The following SCN7A variants were observed in gnomAD, a reference collection of about 807,000 sequenced individuals.
SCN7A encodes the protein sodium voltage-gated channel alpha subunit 7.
A neutral mutation model predicts 155.2 loss-of-function variants in SCN7A; 138 were observed. The ratio of observed to expected loss-of-function variants is 0.89; its 90% confidence interval spans 0.77 to 1.02. The LOEUF (loss-of-function observed/expected upper bound fraction) is 1.02. Among genes scored for constraint, SCN7A ranks in the 50% least tolerant of loss-of-function variants. The probability of loss-of-function intolerance (pLI) is 0.00; values close to 1 mark genes in which losing one functional copy is unlikely to be tolerated. For synonymous variants in SCN7A, 693 were observed against 649.0 expected (o/e 1.07, Z -1.03); for missense variants, 2,058 against 1,986.6 (o/e 1.04, Z -0.68).
intron 2 of SCN7A, among the ~76,000 whole-genome samples, chr2:166,483,002 T>C (rs984606489): frequency 3.3e-5 from 5 of 152,100 alleles, no homozygotes; most frequent in African/African-American, 4.8e-5. Flanking sequence ...TAGACTTCTT[T>C]CTGAAAAATT....
At chr2:166,449,546 A>G (rs1205386269) in intron 11 of SCN7A, among the ~76,000 whole-genome samples, 1 of 152,136 alleles carries the variant, frequency 6.6e-6, no homozygotes, top group Admixed American at 6.6e-5. Flanking sequence ...GATAAAGCCA[A>G]TTATACTGCA....
chr2:166,492,642 G>T (rs767617594), intron 1 of SCN7A, among the ~76,000 whole-genome samples: 4 of 152,164 alleles, frequency 2.6e-5, no homozygotes, highest in Non-Finnish European at 4.4e-5. Flanking sequence ...GGCAAGAAAA[G>T]GATTTGAATT....
At chr2:166,461,059 T>TC (rs1235220021) in intron 10 of SCN7A, among the ~76,000 whole-genome samples, 1 of 149,018 alleles carries the variant, frequency 6.7e-6, no homozygotes, top group African/African-American at 2.4e-5. Context: ...TTTTTTTTTT[T>TC]TTTTTTTTTT....
rs1168218281 is a variant in SCN7A, at chr2:166,405,857, C to T, written c.4772G>A (p.Arg1591Lys). Reference sequence around the variant, plus strand: ...TATTTCTGAAACAACTTTCTCCATCCTCACATCTTGACCCATAACTCTCTT... The same window carrying T: ...TATTTCTGAAACAACTTTCTCCATCTTCACATCTTGACCCATAACTCTCTT... ...FTKRVMGQDVRMEKVVSEIES... is the reference protein window; with the variant it reads ...FTKRVMGQDVKMEKVVSEIES... The change falls in exon 26 of 26, where the codon AGG becomes AAG. Residue 1591 changes from arginine to lysine, a missense_variant. Transcript: ENST00000643258. 11 of 1,613,004 alleles carry T rather than the reference C, an allele frequency of 6.8e-6. No homozygotes were observed. The highest frequency in any genetic ancestry group is 9.3e-6 in the Non-Finnish European group (11 of 1,179,388).
At position 166,423,348 on chromosome 2, in the gene SCN7A, T is replaced by C. The variant is rs1701552318; in HGVS notation, c.2938A>G (p.Ile980Val). The C allele has an allele frequency of 2.5e-6, 4 of 1,612,328 alleles. No homozygotes were observed. Among genetic ancestry groups the C allele is most frequent in the Non-Finnish European group, 3.4e-6 (4 of 1,179,082 alleles). Residue 980 changes from isoleucine to valine, a missense_variant, in exon 19 of 26, where the codon ATT becomes GTT. Coordinates refer to ENST00000643258, the MANE Select transcript of SCN7A (RefSeq NM_002976.4). ...ATCCATTTTAGAAGCATTTCCAGAATGAAGATATAAGTAAAGATCATGTCA... is the reference window on the plus strand; with the variant it reads ...ATCCATTTTAGAAGCATTTCCAGAACGAAGATATAAGTAAAGATCATGTCA... ...YADMIFTYIF[I>V]LEMLLKWMAY...
Position 166,423,410 on chromosome 2 carries a change from TC to T in SCN7A, c.2875del (p.Asp959IlefsTer10), listed in dbSNP as rs1336126830. On this transcript the variant is annotated frameshift_variant, in exon 19 of 26. Coordinates refer to ENST00000643258, the MANE Select transcript of SCN7A (RefSeq NM_002976.4). LOFTEE classifies it high-confidence loss of function. Reference sequence around the variant, plus strand: ...TAAAATTTTAATTGTCTTTCTCTGATCCATATATATATCTTCAAAAGCCTGT... The same window carrying T: ...TAAAATTTTAATTGTCTTTCTCTGATCATATATATATCTTCAAAAGCCTGT... ...GTLAFEDIYM[D>X]QRKTIKILLE... 6.3e-7 allele frequency: 1 copy of T among 1,580,976 alleles called. No individual in the cohort carries two copies. The highest frequency in any genetic ancestry group is 8.6e-7 in the Non-Finnish European group (1 of 1,167,174).
intron 20 of SCN7A, among the ~76,000 whole-genome samples, chr2:166,420,732 G>C (rs113053844): frequency 6.6e-6 from 1 of 151,930 alleles, no homozygotes; most frequent in Non-Finnish European, 1.5e-5. Context: ...ATCATCACTT[G>C]TGATTGTGAC....
chr2:166,450,967 C>T (rs537341165), intron 11 of SCN7A, among the ~76,000 whole-genome samples: 6 of 152,032 alleles, frequency 3.9e-5, no homozygotes, highest in African/African-American at 1.2e-4. Flanking sequence ...TATTAAGATC[C>T]GACGGGGATT....
chr2:166,430,042 C>T (rs1454280684), intron 16 of SCN7A, among the ~76,000 whole-genome samples: 1 of 151,872 alleles, frequency 6.6e-6, no homozygotes, highest in Admixed American at 6.6e-5. Context: ...TTTAAAATCA[C>T]CAAGATCTAA....
Position 166,472,380 on chromosome 2 carries a change from G to A in SCN7A, c.509C>T (p.Ala170Val). Residue 170 changes from alanine (A) to valine (V), a missense_variant, in exon 6 of 26, where the codon GCA becomes GTA. Transcript: ENST00000643258. ...LVKLFARGVW[A>V]GSFSFLGDPW... ...ATCACCGAGGAAGGAAAATGATCCT[G>A]CCCAGACACCTCTTGCAAAGAGTTT... is the stretch of plus-strand genomic sequence containing the variant. 1 of 1,608,184 alleles carries A rather than the reference G, an allele frequency of 6.2e-7. No homozygotes were observed. The highest frequency in any genetic ancestry group is 8.5e-7 in the Non-Finnish European group (1 of 1,176,304).
intron 8 of SCN7A, 96 bp downstream of exon 8, chr2:166,465,685 T>G (rs781369566): frequency 4.5e-5 from 62 of 1,387,886 alleles, no homozygotes; most frequent in Non-Finnish European, 5.6e-5. Context: ...CCTTTGGGAA[T>G]CTAACAAAAT....
intron 21 of SCN7A, among the ~76,000 whole-genome samples, chr2:166,414,015 TATATGTAA>T: frequency 1.2e-4 from 11 of 91,284 alleles, no homozygotes; most frequent in African/African-American, 3.4e-4. Flanking sequence ...ATATACTATA[TATATGTAA>T]ATATATATAA....
chr2:166,480,275 G>A (rs140082995), intron 2 of SCN7A, among the ~76,000 whole-genome samples: 1,928 of 152,086 alleles, frequency 0.013, 48 homozygotes, highest in African/African-American at 0.044. Context: ...GACTAACACG[G>A]TGAAACCCCG....
intron 25 of SCN7A, among the ~76,000 whole-genome samples, chr2:166,408,525 G>T (rs1007871768): frequency 1.3e-5 from 2 of 151,958 alleles, no homozygotes; most frequent in Non-Finnish European, 2.9e-5. Context: ...GTTCTCTGAT[G>T]AAGTCCCCTT....
chr2:166,412,059 G>A (rs1701214269), intron 23 of SCN7A, among the ~76,000 whole-genome samples: 1 of 152,004 alleles, frequency 6.6e-6, no homozygotes, highest in Admixed American at 6.6e-5. Flanking sequence ...CTGGGTTCAA[G>A]CACTCCTACT....
chr2:166,404,787 T>G lies in SCN7A; in HGVS notation c.*793A>C, dbSNP rs2105351737. On this transcript the variant is annotated 3_prime_UTR_variant, in exon 26 of 26. Transcript: ENST00000643258. ...TTATTACATCATTTTAGTAAATGTATACTTTTTAAAAAAATAGGTGTAAAT... is the reference window on the plus strand; with the variant it reads ...TTATTACATCATTTTAGTAAATGTAGACTTTTTAAAAAAATAGGTGTAAAT... 1 of 135,810 alleles carries G rather than the reference T, an allele frequency of 7.4e-6. No homozygotes were observed. The highest frequency in any genetic ancestry group is 2.2e-4 in the East Asian group (1 of 4,644). 8.4% of individuals were successfully genotyped at this position (135,810 alleles called of 1,614,324 possible). A position where few individuals can be genotyped will look rare whatever the true frequency, so the allele number is the denominator to read the frequency against.
intron 10 of SCN7A, 97 bp downstream of exon 10, chr2:166,462,292 A>G: frequency 7.7e-7 from 1 of 1,303,984 alleles, no homozygotes; most frequent in Non-Finnish European, 1.0e-6. Flanking sequence ...TCTTCTGCAC[A>G]TAAAAATTTA....
intron 1 of SCN7A, among the ~76,000 whole-genome samples, chr2:166,492,869 TAAAG>T (rs545248335): frequency 6.6e-6 from 1 of 152,172 alleles, no homozygotes; most frequent in Non-Finnish European, 1.5e-5. Flanking sequence ...CATTTATAAA[TAAAG>T]AAAATAAAGC....
At position 166,450,427 on chromosome 2, in the gene SCN7A, T is replaced by C. The variant is rs1239859483; in HGVS notation, c.1291-2719A>G. Among the ~76,000 whole-genome samples, 6 of 152,012 alleles carry C rather than the reference T, an allele frequency of 3.9e-5. No individual in the cohort carries two copies. In the East Asian group the frequency reaches 1.2e-3, roughly 29 times the overall value. The stretch of plus-strand genomic sequence containing the variant: ...ACCTCAGTGACATGCAATTTGCCCA[T>C]GTAACGCCTGCACATGTACCCTCGA... On this transcript the variant is annotated intron_variant, in intron 11 of 25. Coordinates refer to ENST00000643258, the MANE Select transcript of SCN7A (RefSeq NM_002976.4).
Sources: gnomAD v4.1 joint callset for allele counts (sites outside exome capture counted in the v4.1 genomes callset) on GRCh38, gnomAD v4.1.1 for gene constraint, MANE v1.5 for transcripts, NCBI Gene and HGNC (gene_info 2026-07-23, HGNC 2026-07-21) for gene names.